Variants in ADAMTS2 observed in about 807,000 individuals in gnomAD.
The protein encoded by ADAMTS2 is A disintegrin and metalloproteinase with thrombospondin motifs 2.
A neutral mutation model predicts 123.0 loss-of-function variants in ADAMTS2; 50 were observed. The ratio of observed to expected loss-of-function variants is 0.41; its 90% CI spans 0.32 to 0.51. The LOEUF (loss-of-function observed/expected upper bound fraction) is 0.51. ADAMTS2 is among the 20% of genes least tolerant of loss of function. ADAMTS2 has a pLI of 0.35. For synonymous variants in ADAMTS2, 678 were observed against 695.4 expected (o/e 0.98, Z 0.39); for missense variants, 1,494 against 1,705.2 (o/e 0.88, Z 2.18).
In ADAMTS2 at chr5:179,118,145, T is replaced by G. The variant is rs1436757573; in HGVS notation, c.3178+3516A>C. 6.6e-6 allele frequency among the ~76,000 whole-genome samples: 1 copy of G among 152,110 alleles called. No homozygotes were observed. The highest frequency in any genetic ancestry group is 1.5e-5 in the Non-Finnish European group (1 of 68,012). Reference sequence around the variant, plus strand: ...TGCTCTTAGTTTAAAAAAATAAAAATACGTCAATGAGTAAATACAAAATTG... The same window carrying G: ...TGCTCTTAGTTTAAAAAAATAAAAAGACGTCAATGAGTAAATACAAAATTG... On this transcript the variant is annotated intron_variant, in intron 21 of 21. Transcript: ENST00000251582. The surrounding 1 kb of genome is among the most constrained non-coding windows in gnomAD (Gnocchi z 4.5).
At chr5:179,229,812 A>G (rs1323658218) in intron 3 of ADAMTS2, among the ~76,000 whole-genome samples, 2 of 152,164 alleles carry the variant, frequency 1.3e-5, no homozygotes, top group Non-Finnish European at 2.9e-5. Flanking sequence ...CTTATGGGAA[A>G]TCGTAATTAG....
chr5:179,198,892 C>T (rs988329826), intron 4 of ADAMTS2, among the ~76,000 whole-genome samples: 1 of 151,992 alleles, frequency 6.6e-6, no homozygotes, highest in Non-Finnish European at 1.5e-5. Context: ...CAAGGGCCCG[C>T]CCCCTGCCTG....
At chr5:179,122,335 C>T (rs986147998) in intron 20 of ADAMTS2, among the ~76,000 whole-genome samples, 20 of 152,186 alleles carry the variant, frequency 1.3e-4, no homozygotes, top group African/African-American at 4.8e-4. Flanking sequence ...CACAGGCGTC[C>T]CCCTATTCAC....
intron 5 of ADAMTS2, among the ~76,000 whole-genome samples, chr5:179,159,818 A>G (rs967437850): frequency 1.3e-5 from 2 of 152,232 alleles, no homozygotes; most frequent in Non-Finnish European, 2.9e-5. Flanking sequence ...TGAAACCAAA[A>G]TCTAGATTCA....
chr5:179,252,531 T>C (rs1015018952), intron 3 of ADAMTS2, among the ~76,000 whole-genome samples: 3 of 152,222 alleles, frequency 2.0e-5, no homozygotes, highest in Non-Finnish European at 2.9e-5. Context: ...CTTTGACCCA[T>C]GAATTATTTA....
chr5:179,158,077 G>T lies in ADAMTS2; in HGVS notation c.1132+646C>A, dbSNP rs1763516629. Reference sequence around the variant, plus strand: ...CCTCCCGGGTTCACACCATTCTCCTGCCTCAGCCTCCCGGGTAGCTGGGAC... The same window carrying T: ...CCTCCCGGGTTCACACCATTCTCCTTCCTCAGCCTCCCGGGTAGCTGGGAC... On this transcript the variant is annotated intron_variant, in intron 6 of 21. Transcript: ENST00000251582. This position sits in a 1 kb window ranked among gnomAD's most constrained non-coding sequence, Gnocchi z 5.0. Among the ~76,000 whole-genome samples the T allele has an allele frequency of 6.6e-6, 1 of 151,620 alleles. No individual in the cohort carries two copies. Among genetic ancestry groups the T allele is most frequent in the Non-Finnish European group, 1.5e-5 (1 of 67,910 alleles).
intron 3 of ADAMTS2, among the ~76,000 whole-genome samples, chr5:179,267,943 T>G (rs1039595008): frequency 3.3e-5 from 5 of 152,296 alleles, no homozygotes; most frequent in Middle Eastern, 3.4e-3. Flanking sequence ...ATAGGGGCTG[T>G]CTCTCGTACC....
intron 2 of ADAMTS2, among the ~76,000 whole-genome samples, chr5:179,340,579 C>T (rs1757743448): frequency 1.3e-5 from 2 of 152,180 alleles, no homozygotes; most frequent in Admixed American, 1.3e-4. Flanking sequence ...GTGAGCATGG[C>T]CTTGGAATCA....
At chr5:179,219,467 G>A (rs573137497) in intron 3 of ADAMTS2, among the ~76,000 whole-genome samples, 1 of 152,350 alleles carries the variant, frequency 6.6e-6, no homozygotes, top group South Asian at 2.1e-4. Context: ...GAACGATTGA[G>A]GCATCAGACC....
In ADAMTS2 at chr5:179,314,087, C is replaced by A. The variant is rs1355518080; in HGVS notation, c.534+29680G>T. ...GGGGGGGTTCCTCACACACCCCACACCCCTGCCTATGCCCAGACCTCCAGC... is the reference window on the plus strand; with the variant it reads ...GGGGGGGTTCCTCACACACCCCACAACCCTGCCTATGCCCAGACCTCCAGC... On this transcript the variant is annotated intron_variant, in intron 2 of 21. Transcript: ENST00000251582. This position sits in a 1 kb window ranked among gnomAD's most constrained non-coding sequence, Gnocchi z 4.5. 6.6e-6 allele frequency among the ~76,000 whole-genome samples: 1 copy of A among 152,236 alleles called. No individual in the cohort carries two copies. The highest frequency in any genetic ancestry group is 1.5e-5 in the Non-Finnish European group (1 of 68,030).
Position 179,260,043 on chromosome 5 carries a change from G to A in ADAMTS2, c.688+12868C>T, listed in dbSNP as rs1487152566. 6.6e-6 allele frequency among the ~76,000 whole-genome samples: 1 copy of A among 152,196 alleles called. No homozygotes were observed. The highest frequency in any genetic ancestry group is 2.4e-5 in the African/African-American group (1 of 41,452). Reference sequence around the variant, plus strand: ...GTTAAAGTGGGCATAGGGCCCTGCCGGATGGGTCACAAGCCGGCGAAGTCA... The same window carrying A: ...GTTAAAGTGGGCATAGGGCCCTGCCAGATGGGTCACAAGCCGGCGAAGTCA... On this transcript the variant is annotated intron_variant, in intron 3 of 21. Transcript: ENST00000251582. The surrounding 1 kb of genome is among the most constrained non-coding windows in gnomAD (Gnocchi z 4.2).
intron 2 of ADAMTS2, among the ~76,000 whole-genome samples, chr5:179,302,678 G>A (rs1459350024): frequency 3.3e-5 from 5 of 151,982 alleles, no homozygotes; most frequent in South Asian, 2.1e-4. Flanking sequence ...AGAGGAAGTC[G>A]ACAGAGAGTG....
intron 2 of ADAMTS2, among the ~76,000 whole-genome samples, chr5:179,301,774 G>A (rs796877029): frequency 3.9e-5 from 6 of 152,392 alleles, no homozygotes; most frequent in African/African-American, 1.4e-4. Context: ...ACACAAATGA[G>A]GGCAGGACCC....
At position 179,118,946 on chromosome 5, in the gene ADAMTS2, C is replaced by T. The variant is rs1762707102; in HGVS notation, c.3178+2715G>A. Among the ~76,000 whole-genome samples, 3 of 152,214 alleles carry T rather than the reference C, an allele frequency of 2.0e-5. No homozygotes were observed. In the South Asian group the frequency reaches 6.2e-4, roughly 31 times the overall value. On this transcript the variant is annotated intron_variant, in intron 21 of 21. Coordinates refer to ENST00000251582, the MANE Select transcript of ADAMTS2 (RefSeq NM_014244.5). This position sits in a 1 kb window ranked among gnomAD's most constrained non-coding sequence, Gnocchi z 4.5. ...TCCATTTCCCATGCTTTGGAAAATG[C>T]TGGATGGAGAATACCTCATTCTCAT... is the stretch of plus-strand genomic sequence containing the variant.
At chr5:179,123,238 GCAC>G (rs1034509476) in intron 19 of ADAMTS2, among the ~76,000 whole-genome samples, 4 of 152,192 alleles carry the variant, frequency 2.6e-5, no homozygotes, top group African/African-American at 9.7e-5. Flanking sequence ...CCAGCCCCCA[GCAC>G]CACCACTGCT....
At chr5:179,263,453 T>C (rs1766283267) in intron 3 of ADAMTS2, among the ~76,000 whole-genome samples, 1 of 152,214 alleles carries the variant, frequency 6.6e-6, no homozygotes, top group South Asian at 2.1e-4. Flanking sequence ...TGCCCGGCCT[T>C]TTCCCAACCA....
chr5:179,136,562 G>C (rs897066373), intron 12 of ADAMTS2, among the ~76,000 whole-genome samples: 4 of 151,960 alleles, frequency 2.6e-5, no homozygotes, highest in Admixed American at 6.6e-5. Flanking sequence ...ATACTTGGGA[G>C]GCTGAGGCAG....
rs10479525 is a variant in ADAMTS2 at position 179,113,655 on chromosome 5, T to C, written c.*212A>G. ...CACTGCACACCTGACGCCACCACAG[T>C]ATTTGGTCGCTCCTGGGCTGGGAAG... is the stretch of plus-strand genomic sequence containing the variant. On this transcript the variant is annotated 3_prime_UTR_variant, in exon 22 of 22. Coordinates refer to ENST00000251582, the MANE Select transcript of ADAMTS2 (RefSeq NM_014244.5). 1 of 595,840 alleles carries C rather than the reference T, an allele frequency of 1.7e-6. No individual in the cohort carries two copies. The highest frequency in any genetic ancestry group is 3.0e-6 in the Non-Finnish European group (1 of 336,588). The allele number at this position is 595,840 out of a possible 1,614,324, so 36.9% of individuals were successfully genotyped here.
chr5:179,224,273 C>T (rs1405837991), intron 3 of ADAMTS2, among the ~76,000 whole-genome samples: 1 of 152,218 alleles, frequency 6.6e-6, no homozygotes, highest in East Asian at 1.9e-4. Flanking sequence ...GTCGCCATGG[C>T]TCCCGGCACA....
Sources: allele counts gnomAD v4.1 joint callset (sites outside exome capture counted in the v4.1 genomes callset), GRCh38; gene constraint gnomAD v4.1.1; non-coding constraint Gnocchi (gnomAD v3.1); transcripts MANE v1.5; gene names NCBI Gene and HGNC (gene_info 2026-07-23, HGNC 2026-07-21).